RMC1: variants seen among roughly 807,000 people sequenced by gnomAD.
The protein encoded by RMC1 is regulator of MON1-CCZ1, also known as regulator of MON1-CCZ1 complex.
A neutral mutation model predicts 95.5 loss-of-function variants in RMC1; 44 were observed. That is an observed-to-expected ratio of 0.46 (90% CI 0.36 to 0.59). The LOEUF (loss-of-function observed/expected upper bound fraction) is 0.59. Among genes scored for constraint, RMC1 ranks in the 20% least tolerant of loss-of-function variants. RMC1 has a pLI of 0.00. For synonymous variants in RMC1, 320 were observed against 303.6 expected, an observed-to-expected ratio of 1.05 and a Z score of -0.56; for missense variants, 705 against 819.6, an observed-to-expected ratio of 0.86 and a Z score of 1.71.
Position 23,503,666 on chromosome 18 carries a change from G to T in RMC1, c.48G>T (p.Gln16His). 6.3e-7 allele frequency: 1 copy of T among 1,592,448 alleles called. No homozygotes were observed. The highest frequency in any genetic ancestry group is 8.5e-7 in the Non-Finnish European group (1 of 1,170,018). Residue 16 changes from glutamine (Q) to histidine (H), a missense_variant, in exon 1 of 20, where the codon CAG becomes CAT. Physicochemically the swap from Gln to His is conservative, Grantham distance 24 (BLOSUM62 0). Transcript: ENST00000269221. ...YYLELCERPVQFEKANPVNCV... is the reference protein window; with the variant it reads ...YYLELCERPVHFEKANPVNCV... Reference sequence around the variant, plus strand: ...TGGAGCTGTGCGAGCGGCCGGTGCAGTTCGAGAAGGCGAACCCTGTCAACT... The same window carrying T: ...TGGAGCTGTGCGAGCGGCCGGTGCATTTCGAGAAGGCGAACCCTGTCAACT...
chr18:23,530,180 T>C, intron 17 of RMC1, 48 bp downstream of exon 17: 2 of 1,613,904 alleles, frequency 1.2e-6, no homozygotes, highest in East Asian at 4.5e-5. Flanking sequence ...AAATGGAAAA[T>C]TTTAACCGTT....
chr18:23,518,485 C>A (rs1397326822), intron 7 of RMC1, among the ~76,000 whole-genome samples: 2 of 151,560 alleles, frequency 1.3e-5, no homozygotes, highest in South Asian at 2.1e-4. Context: ...CAGAGGGAGA[C>A]CCTGTCTCTG....
At chr18:23,529,502 G>C (rs1652376) in intron 15 of RMC1, 133 bp from the exon 16 acceptor site, 1 of 1,236,088 alleles carries the variant, frequency 8.1e-7, no homozygotes, top group African/African-American at 1.5e-5. Context: ...CTGGAGCGAT[G>C]TGTGCAAAAC....
intron 7 of RMC1, among the ~76,000 whole-genome samples, chr18:23,516,713 T>C (rs1421695915): frequency 7.0e-6 from 1 of 142,548 alleles, no homozygotes; most frequent in Admixed American, 7.9e-5. Flanking sequence ...ATCTTTGTTT[T>C]AGAATTTCTT....
chr18:23,507,364 ATTC>A (rs1177493763), intron 3 of RMC1, among the ~76,000 whole-genome samples: 36 of 152,258 alleles, frequency 2.4e-4, no homozygotes, highest in African/African-American at 8.7e-4. Context: ...GGCTCAAGTG[ATTC>A]TCTCGCCTCA....
Position 23,516,420 on chromosome 18 carries a change from C to G in RMC1, c.650C>G (p.Thr217Ser). 1.2e-6 allele frequency: 2 copies of G among 1,613,380 alleles called. No homozygotes were observed. ...TCCGAAAGAGACATCGCAATGGCTACCATGTATGTCCGTGTCAGAGAGAAT... is the reference window on the plus strand; with the variant it reads ...TCCGAAAGAGACATCGCAATGGCTAGCATGTATGTCCGTGTCAGAGAGAAT... ...SLSERDIAMA[T>S]IYGQLYVLFL... The change falls in exon 7 of 20, where the codon ACC (threonine) becomes AGC (serine). Residue 217 changes from threonine (T) to serine (S), a missense_variant. By Grantham distance (58) the Thr-to-Ser change is moderately conservative. Coordinates refer to ENST00000269221, the MANE Select transcript of RMC1 (RefSeq NM_013326.5).
intron 3 of RMC1, 80 bp from the exon 4 acceptor site, chr18:23,507,905 T>C (rs1049259426): frequency 1.1e-4 from 136 of 1,211,136 alleles, no homozygotes; most frequent in Non-Finnish European, 1.4e-4. Context: ...TTATTTTTCT[T>C]GTCTTGTAGT....
chr18:23,507,775 T>C (rs577519219), intron 3 of RMC1, among the ~76,000 whole-genome samples: 1 of 152,228 alleles, frequency 6.6e-6, no homozygotes, highest in Non-Finnish European at 1.5e-5. Context: ...TTGTATTAAC[T>C]TAAAAAAAAT....
chr18:23,517,893 T>C (rs1598874905), intron 7 of RMC1, among the ~76,000 whole-genome samples: 2 of 152,180 alleles, frequency 1.3e-5, no homozygotes, highest in Non-Finnish European at 2.9e-5. Flanking sequence ...AATTTTTGTA[T>C]TTTCTGAAGA....
At chr18:23,516,987 A>G (rs2058025741) in intron 7 of RMC1, among the ~76,000 whole-genome samples, 1 of 151,952 alleles carries the variant, frequency 6.6e-6, no homozygotes, top group African/African-American at 2.4e-5. Context: ...TGGCTTCCCA[A>G]AGTGCTGGGA....
In RMC1 at chr18:23,531,482, T is replaced by C. The variant is rs554941139; in HGVS notation, c.1895-143T>C. 4.8e-6 allele frequency: 7 copies of C among 1,444,034 alleles called. No homozygotes were observed. In the African/African-American group the frequency reaches 8.6e-5, roughly 18 times the overall value. The allele number at this position is 1,444,034 out of a possible 1,614,324, so 89.5% of individuals were successfully genotyped here. ...TTTTGTATTTGTCTCTCAAAGCAGA[T>C]AGGGTAACCCCAAAACTTAGGAAAA... On this transcript the variant is annotated intron_variant, in intron 19 of 19. Coordinates refer to ENST00000269221, the MANE Select transcript of RMC1 (RefSeq NM_013326.5).
chr18:23,520,702 C>G (rs540084509), intron 10 of RMC1, among the ~76,000 whole-genome samples: 1 of 152,084 alleles, frequency 6.6e-6, no homozygotes, highest in African/African-American at 2.4e-5. Context: ...GTGGCATGAT[C>G]TCGGCTCACT....
intron 5 of RMC1, among the ~76,000 whole-genome samples, chr18:23,511,989 C>T (rs186766636): frequency 6.6e-6 from 1 of 150,500 alleles, no homozygotes; most frequent in East Asian, 1.9e-4. Flanking sequence ...AGTCTATAGA[C>T]ATTTGCCAAC....
intron 14 of RMC1, chr18:23,528,108 A>G: frequency 2.0e-6 from 1 of 506,880 alleles, no homozygotes; most frequent in Non-Finnish European, 3.5e-6. Context: ...TGGCGGCTGC[A>G]TCTCACTTCA....
In RMC1 at chr18:23,529,562, T is replaced by A. The variant is rs185163877; in HGVS notation, c.1417-73T>A. ...TTTTAAGATGGAAACAAGGTGGGGGTTGGATAGAGAGTTATATGCAGCCTC... is the reference window on the plus strand; with the variant it reads ...TTTTAAGATGGAAACAAGGTGGGGGATGGATAGAGAGTTATATGCAGCCTC... On this transcript the variant is annotated intron_variant, in intron 15 of 19. Coordinates refer to ENST00000269221, the MANE Select transcript of RMC1 (RefSeq NM_013326.5). 23 of 1,385,026 alleles carry A rather than the reference T, an allele frequency of 1.7e-5. No homozygotes were observed. In the East Asian group the frequency reaches 3.9e-4, roughly 23 times the overall value. The allele number at this position is 1,385,026 out of a possible 1,614,324, so 85.8% of individuals were successfully genotyped here. A position where few individuals can be genotyped will look rare whatever the true frequency, so the allele number is the denominator to read the frequency against.
intron 2 of RMC1, among the ~76,000 whole-genome samples, chr18:23,505,503 A>C (rs933946790): frequency 6.6e-6 from 1 of 152,126 alleles, no homozygotes; most frequent in Non-Finnish European, 1.5e-5. Context: ...GGCCAGCTTG[A>C]ACCTTACATA....
chr18:23,516,543 C>T lies in RMC1; in HGVS notation c.653+120C>T, dbSNP rs142645417. ...CCCCTAGAACACATAAGGAGGACTC[C>T]CCTTGTTCTGGGTATTCAGTGTATA... is the stretch of plus-strand genomic sequence containing the variant. On this transcript the variant is annotated intron_variant, in intron 7 of 19. Coordinates refer to ENST00000269221, the MANE Select transcript of RMC1 (RefSeq NM_013326.5). 2,698 of 984,020 alleles carry T rather than the reference C, an allele frequency of 2.7e-3. 49 individuals are homozygous for T. In the African/African-American group the frequency reaches 0.039, roughly 14 times the overall value. The allele number at this position is 984,020 out of a possible 1,614,324, so 61.0% of individuals were successfully genotyped here.
At position 23,530,078 on chromosome 18, in the gene RMC1, T is replaced by G; in HGVS notation, c.1545T>G (p.Phe515Leu). The change falls in exon 17 of 20, where the codon TTT (phenylalanine) becomes TTG (leucine). Residue 515 changes from phenylalanine (F) to leucine (L), a missense_variant. Phe to Leu is a conservative substitution (Grantham distance 22). Transcript: ENST00000269221. ...AAACCCTTGTCCAGCACAACCTCTT[T>G]TATATGCTGCATCAGTTCCTGCAGT... is the stretch of plus-strand genomic sequence containing the variant. The part of the protein sequence containing the change: ...VIKTLVQHNL[F>L]YMLHQFLQYH... The G allele has an allele frequency of 6.2e-7, 1 of 1,614,238 alleles. No individual in the cohort carries two copies. Among genetic ancestry groups the G allele is most frequent in the Non-Finnish European group, 8.5e-7 (1 of 1,180,044 alleles).
intron 19 of RMC1, among the ~76,000 whole-genome samples, chr18:23,530,819 G>A (rs1355776165): frequency 6.6e-6 from 1 of 152,204 alleles, no homozygotes; most frequent in African/African-American, 2.4e-5. Context: ...ACTCACCGAG[G>A]AGGTGTGTTT....
Sources: gnomAD v4.1 joint callset for allele counts (sites outside exome capture counted in the v4.1 genomes callset) on GRCh38, gnomAD v4.1.1 for gene constraint, MANE v1.5 for transcripts, NCBI Gene and HGNC (gene_info 2026-07-23, HGNC 2026-07-21) for gene names.